The following SLC10A7 variants were observed in gnomAD, a reference collection of about 807,000 sequenced individuals.
SLC10A7 encodes the protein sodium/bile acid cotransporter 7.
In SLC10A7, 29 loss-of-function variants were observed where a neutral mutation model predicts 43.2. The observed-to-expected ratio is 0.67, with a 90% confidence interval of 0.50 to 0.92. The LOEUF (loss-of-function observed/expected upper bound fraction) is 0.92. Among genes scored for constraint, SLC10A7 ranks in the 40% least tolerant of loss-of-function variants. SLC10A7 has a pLI of 0.00. For missense variants in SLC10A7, 295 were observed against 403.2 expected, an observed-to-expected ratio of 0.73 and a Z score of 2.30; for synonymous variants, 152 against 144.8, an observed-to-expected ratio of 1.05 and a Z score of -0.35.
chr4:146,326,007 TAA>T lies in SLC10A7; in HGVS notation c.436-13_436-12del, dbSNP rs769905472. ...TGTTATAACGATGCCCTGAAAGAAA[TAA>T]AAGAGAGGATGATCATTTATCAGCC... is the stretch of plus-strand genomic sequence containing the variant. On this transcript the variant is annotated splice_polypyrimidine_tract_variant and intron_variant, in intron 5 of 11. Transcript: ENST00000335472. The T allele has an allele frequency of 3.9e-5, 63 of 1,609,968 alleles. No homozygotes were observed. The African/African-American group carries it at 7.6e-4, about 19-fold the overall frequency.
intron 5 of SLC10A7, among the ~76,000 whole-genome samples, chr4:146,372,465 A>C (rs947108888): frequency 6.6e-6 from 1 of 151,986 alleles, no homozygotes; most frequent in Non-Finnish European, 1.5e-5. Flanking sequence ...AAAAAAAAAA[A>C]AAAAAAAATG....
At position 146,335,040 on chromosome 4, in the gene SLC10A7, C is replaced by T. The variant is rs144772982; in HGVS notation, c.436-9044G>A. Among the ~76,000 whole-genome samples the T allele has an allele frequency of 7.9e-5, 12 of 151,890 alleles. No homozygotes were observed. The East Asian group carries it at 1.9e-3, about 25-fold the overall frequency. Reference sequence around the variant, plus strand: ...CACATTCAAGTATGCTGGCAGAAGGCTCAAGAGTCCTGGATCCTGGATGAA... The same window carrying T: ...CACATTCAAGTATGCTGGCAGAAGGTTCAAGAGTCCTGGATCCTGGATGAA... On this transcript the variant is annotated intron_variant, in intron 5 of 11. Transcript: ENST00000335472.
chr4:146,465,433 T>A (rs1222935393), intron 4 of SLC10A7, among the ~76,000 whole-genome samples: 3 of 152,170 alleles, frequency 2.0e-5, no homozygotes, highest in Admixed American at 1.3e-4. Context: ...AACTGCTTTT[T>A]GATTCAACAA....
chr4:146,268,886 T>C (rs1728726859), intron 10 of SLC10A7, among the ~76,000 whole-genome samples: 1 of 152,106 alleles, frequency 6.6e-6, no homozygotes, highest in African/African-American at 2.4e-5. Flanking sequence ...AGGGGTGCTT[T>C]TTAATAAGAT....
At chr4:146,279,405 C>A (rs1729405632) in intron 10 of SLC10A7, among the ~76,000 whole-genome samples, 1 of 152,130 alleles carries the variant, frequency 6.6e-6, no homozygotes, top group Non-Finnish European at 1.5e-5. Context: ...GATCTAATTT[C>A]TTTCTTGACG....
chr4:146,479,474 G>C (rs1053891762), intron 4 of SLC10A7, among the ~76,000 whole-genome samples: 8 of 152,038 alleles, frequency 5.3e-5, no homozygotes, highest in African/African-American at 1.9e-4. Flanking sequence ...AATTTCCCAA[G>C]TAAATACAAA....
chr4:146,356,710 TC>T (rs1435294214), intron 5 of SLC10A7, among the ~76,000 whole-genome samples: 3 of 152,188 alleles, frequency 2.0e-5, no homozygotes, highest in South Asian at 4.1e-4. Flanking sequence ...CTTACCTCTA[TC>T]CCCCAACTAA....
At chr4:146,289,327 A>T (rs1730246302) in intron 9 of SLC10A7, among the ~76,000 whole-genome samples, 1 of 152,200 alleles carries the variant, frequency 6.6e-6, no homozygotes, top group Admixed American at 6.5e-5. Context: ...ATCTCACTGG[A>T]AATGTACTGA....
intron 5 of SLC10A7, among the ~76,000 whole-genome samples, chr4:146,399,862 T>G (rs2149815039): frequency 6.6e-6 from 1 of 152,204 alleles, no homozygotes; most frequent in South Asian, 2.1e-4. Flanking sequence ...AACGTAGGCA[T>G]TTTGATGTAT....
At chr4:146,342,726 A>C (rs895374140) in intron 5 of SLC10A7, among the ~76,000 whole-genome samples, 2 of 151,832 alleles carry the variant, frequency 1.3e-5, no homozygotes, top group Non-Finnish European at 2.9e-5. Context: ...TTTGATATTC[A>C]AATGTGATAA....
At chr4:146,439,690 C>T (rs913269470) in intron 5 of SLC10A7, among the ~76,000 whole-genome samples, 9 of 152,076 alleles carry the variant, frequency 5.9e-5, no homozygotes, top group Non-Finnish European at 1.2e-4. Context: ...CACAAGTCTA[C>T]AGTTTAGGCG....
intron 5 of SLC10A7, among the ~76,000 whole-genome samples, chr4:146,383,063 C>T (rs1237883072): frequency 6.6e-6 from 1 of 152,004 alleles, no homozygotes; most frequent in Non-Finnish European, 1.5e-5. Flanking sequence ...CGATTTGTCT[C>T]CTTATCTATT....
chr4:146,382,352 A>T (rs1401697196), intron 5 of SLC10A7, among the ~76,000 whole-genome samples: 1 of 152,164 alleles, frequency 6.6e-6, no homozygotes, highest in Non-Finnish European at 1.5e-5. Context: ...CACTGTATTT[A>T]CACTGTCACA....
At chr4:146,418,934 C>T (rs1262330933) in intron 5 of SLC10A7, among the ~76,000 whole-genome samples, 1 of 152,034 alleles carries the variant, frequency 6.6e-6, no homozygotes, top group Non-Finnish European at 1.5e-5. Flanking sequence ...CTAAAGCTCA[C>T]AAAAATCAGG....
At chr4:146,268,836 A>G (rs1395825701) in intron 10 of SLC10A7, among the ~76,000 whole-genome samples, 2 of 152,106 alleles carry the variant, frequency 1.3e-5, no homozygotes, top group Non-Finnish European at 2.9e-5. Context: ...ACCTGAAAAG[A>G]ATTTGTCAGG....
intron 4 of SLC10A7, among the ~76,000 whole-genome samples, chr4:146,461,069 C>A (rs1197814067): frequency 6.6e-6 from 1 of 151,918 alleles, no homozygotes; most frequent in Non-Finnish European, 1.5e-5. Flanking sequence ...GTAAAAATGT[C>A]TTTTCACGTC....
chr4:146,488,410 C>G (rs904733378), intron 4 of SLC10A7, among the ~76,000 whole-genome samples: 7 of 152,084 alleles, frequency 4.6e-5, no homozygotes, highest in African/African-American at 1.4e-4. Flanking sequence ...TATTGAGCAT[C>G]TCCTAATGTC....
At chr4:146,502,710 A>G (rs879511428) in intron 4 of SLC10A7, among the ~76,000 whole-genome samples, 6 of 152,252 alleles carry the variant, frequency 3.9e-5, no homozygotes, top group Non-Finnish European at 8.8e-5. Context: ...TGAACACAAC[A>G]TAGATGAATT....
intron 5 of SLC10A7, among the ~76,000 whole-genome samples, chr4:146,375,752 G>A (rs1737148667): frequency 6.6e-6 from 1 of 152,030 alleles, no homozygotes; most frequent in Non-Finnish European, 1.5e-5. Context: ...GCTGTGTTAG[G>A]GTTGTTTCCT....
Sources: allele counts gnomAD v4.1 joint callset (sites outside exome capture counted in the v4.1 genomes callset), GRCh38; gene constraint gnomAD v4.1.1; transcripts MANE v1.5; gene names NCBI Gene and HGNC (gene_info 2026-07-23, HGNC 2026-07-21).